The following EGFR variants were observed in gnomAD, a reference collection of about 807,000 sequenced individuals.
The protein encoded by EGFR is epidermal growth factor receptor.
EGFR carries 58 observed loss-of-function variants against 143.0 expected under a neutral mutation model. The observed-to-expected ratio is 0.41, with a 90% CI of 0.33 to 0.50. The LOEUF (loss-of-function observed/expected upper bound fraction) is 0.50. EGFR is among the 20% of genes least tolerant of loss of function. The pLI is 0.39. For missense variants in EGFR, 1,307 were observed against 1,579.0 expected (o/e 0.83, Z 2.92); for synonymous variants, 613 against 594.4 (o/e 1.03, Z -0.45).
intron 21 of EGFR, among the ~76,000 whole-genome samples, chr7:55,192,237 G>A (rs889875390): frequency 2.0e-5 from 3 of 152,188 alleles, no homozygotes; most frequent in Non-Finnish European, 2.9e-5. Context: ...TAAGGAACAG[G>A]AAAGGCCCCA....
intron 1 of EGFR, among the ~76,000 whole-genome samples, chr7:55,028,023 T>TATATATATATATAC (rs1271361412): frequency 9.0e-6 from 1 of 110,772 alleles, no homozygotes; most frequent in African/African-American, 4.5e-5. Context: ...TATATATATA[T>TATATATATATATAC]ATACACACAC....
chr7:55,071,834 G>C (rs1259105179), intron 1 of EGFR, among the ~76,000 whole-genome samples: 4 of 152,150 alleles, frequency 2.6e-5, no homozygotes, highest in African/African-American at 7.2e-5. Context: ...TACATTTAGG[G>C]CATATACAAA....
intron 1 of EGFR, among the ~76,000 whole-genome samples, chr7:55,035,542 G>T (rs966818711): frequency 6.6e-6 from 1 of 150,702 alleles, no homozygotes; most frequent in Non-Finnish European, 1.5e-5. Context: ...AACTAGCCAC[G>T]CATGGTGGCA....
chr7:55,095,928 TACAC>T (rs1196024076), intron 1 of EGFR, among the ~76,000 whole-genome samples: 1 of 139,210 alleles, frequency 7.2e-6, no homozygotes, highest in Non-Finnish European at 1.5e-5. Flanking sequence ...TACACAGAGA[TACAC>T]ACAGAGACAC....
At chr7:55,076,432 C>T (rs996596093) in intron 1 of EGFR, among the ~76,000 whole-genome samples, 3 of 152,192 alleles carry the variant, frequency 2.0e-5, no homozygotes, top group African/African-American at 4.8e-5. Flanking sequence ...CTGATAAGCA[C>T]TGTTAGGCAT....
At chr7:55,047,527 A>G (rs922172573) in intron 1 of EGFR, among the ~76,000 whole-genome samples, 2 of 152,212 alleles carry the variant, frequency 1.3e-5, no homozygotes, top group African/African-American at 4.8e-5. Context: ...AGGCAGGTGG[A>G]TCACCTGAGG....
chr7:55,024,954 C>T (rs1396863850), intron 1 of EGFR, among the ~76,000 whole-genome samples: 2 of 152,182 alleles, frequency 1.3e-5, no homozygotes, highest in Non-Finnish European at 2.9e-5. Context: ...AGGGATTACT[C>T]ATTTGAGCTA....
At chr7:55,170,633 CA>C in intron 15 of EGFR, 5 of 1,601,238 alleles carry the variant, frequency 3.1e-6, no homozygotes, top group Non-Finnish European at 4.2e-6. Flanking sequence ...GTATCCTACC[CA>C]TTTCCTTCCT....
intron 1 of EGFR, among the ~76,000 whole-genome samples, chr7:55,027,820 T>C (rs1786980356): frequency 6.6e-6 from 1 of 151,912 alleles, no homozygotes; most frequent in Non-Finnish European, 1.5e-5. Context: ...TACTTGTGAA[T>C]TAGAAGAGAC....
At chr7:55,061,649 T>TGTGAGCGA (rs1432070752) in intron 1 of EGFR, among the ~76,000 whole-genome samples, 24 of 132,736 alleles carry the variant, frequency 1.8e-4, no homozygotes, top group African/African-American at 6.9e-4. Flanking sequence ...TGTGTGTGTG[T>TGTGAGCGA]GAGAGAGAGA....
chr7:55,165,822 G>C (rs141387907), intron 15 of EGFR, among the ~76,000 whole-genome samples: 39 of 152,356 alleles, frequency 2.6e-4, no homozygotes, highest in African/African-American at 8.2e-4. Context: ...ACATTGCCTG[G>C]AATGTTGCTT....
chr7:55,193,370 G>A (rs187593843), intron 22 of EGFR, among the ~76,000 whole-genome samples: 180 of 151,304 alleles, frequency 1.2e-3, no homozygotes, highest in Admixed American at 2.1e-3. Context: ...CATCTGGTCC[G>A]GCCCTGGGGA....
intron 1 of EGFR, among the ~76,000 whole-genome samples, chr7:55,125,680 A>G (rs1278977139): frequency 6.6e-6 from 1 of 151,772 alleles, no homozygotes; most frequent in East Asian, 1.9e-4. Context: ...AGCTTTCCCC[A>G]CGGAGACGTC....
intron 1 of EGFR, among the ~76,000 whole-genome samples, chr7:55,057,240 T>C (rs1407021229): frequency 2.6e-5 from 4 of 152,202 alleles, no homozygotes; most frequent in Non-Finnish European, 5.9e-5. Flanking sequence ...ATTTGCTCTT[T>C]ATAAAGTTGC....
Position 55,170,921 on chromosome 7 carries a change from C to G in EGFR, c.1881-254C>G, listed in dbSNP as rs891936536. ...GATGTGAAAACATCTCAATAACAAA[C>G]TGGCTGCTTTGTTCAATGCTAGAAC... On this transcript the variant is annotated intron_variant, in intron 15 of 27. Coordinates refer to ENST00000275493, the MANE Select transcript of EGFR (RefSeq NM_005228.5). 7 of 1,419,804 alleles carry G rather than the reference C, an allele frequency of 4.9e-6. No individual in the cohort carries two copies. In the African/African-American group the frequency reaches 1.0e-4, roughly 20 times the overall value. The allele number at this position is 1,419,804 out of a possible 1,614,324, so 88.0% of individuals were successfully genotyped here.
intron 1 of EGFR, among the ~76,000 whole-genome samples, chr7:55,090,641 C>A (rs1258605615): frequency 1.3e-5 from 2 of 152,146 alleles, no homozygotes; most frequent in African/African-American, 4.8e-5. Context: ...CGTACTAAAC[C>A]CTGATTGAAA....
At chr7:55,087,984 A>G (rs920850625) in intron 1 of EGFR, among the ~76,000 whole-genome samples, 1 of 152,174 alleles carries the variant, frequency 6.6e-6, no homozygotes, top group Non-Finnish European at 1.5e-5. Context: ...TAATTGAGGT[A>G]GGCCCACAGA....
At chr7:55,078,915 TG>T (rs1790293070) in intron 1 of EGFR, among the ~76,000 whole-genome samples, 1 of 151,494 alleles carries the variant, frequency 6.6e-6, no homozygotes, top group African/African-American at 2.4e-5. Flanking sequence ...GCGTCTGGGG[TG>T]GAGACTCCCG....
At chr7:55,190,397 C>T (rs975166458) in intron 20 of EGFR, among the ~76,000 whole-genome samples, 3 of 152,144 alleles carry the variant, frequency 2.0e-5, no homozygotes, top group African/African-American at 4.8e-5. Context: ...ACTAATTCTG[C>T]ATAGCATCTT....
Sources: allele counts gnomAD v4.1 joint callset (sites outside exome capture counted in the v4.1 genomes callset), GRCh38; gene constraint gnomAD v4.1.1; transcripts MANE v1.5; gene names NCBI Gene and HGNC (gene_info 2026-07-23, HGNC 2026-07-21).